The following POFUT3 variants were observed in gnomAD, a reference collection of about 807,000 sequenced individuals.
POFUT3 encodes the protein protein O-fucosyltransferase 3, also known as GDP-fucose protein O-fucosyltransferase 3.
chr8:33,359,982 G>T, the POFUT3 span, among the ~76,000 whole-genome samples: 174 of 151,962 alleles, frequency 1.1e-3, 5 homozygotes, highest in South Asian at 0.021. Context: ...CTCCAGCCTG[G>T]GCAAAAGAGC....
the POFUT3 span, among the ~76,000 whole-genome samples, chr8:33,334,643 G>A: frequency 6.6e-6 from 1 of 152,178 alleles, no homozygotes; most frequent in Non-Finnish European, 1.5e-5. Flanking sequence ...GAATAGCAAG[G>A]TAATATACAG....
chr8:33,373,005 A>G, the POFUT3 span, among the ~76,000 whole-genome samples: 1 of 152,174 alleles, frequency 6.6e-6, no homozygotes, highest in Non-Finnish European at 1.5e-5. Context: ...AGGAGTGGAA[A>G]CTAAACCACA....
At chr8:33,382,172 G>T in the POFUT3 span, among the ~76,000 whole-genome samples, 2 of 152,028 alleles carry the variant, frequency 1.3e-5, no homozygotes, top group Admixed American at 1.3e-4. Flanking sequence ...TGCGCCTACA[G>T]TCCCAGCTAC....
chr8:33,372,774 C>T, the POFUT3 span: 69 of 1,613,994 alleles, frequency 4.3e-5, no homozygotes, highest in Non-Finnish European at 5.3e-5. Flanking sequence ...AGGTGGGTAT[C>T]TTCTGCCTCC....
the POFUT3 span, chr8:33,370,712 G>A: frequency 3.9e-5 from 6 of 152,170 alleles, no homozygotes; most frequent in African/African-American, 1.4e-4. Context: ...CTGGGTATTT[G>A]CTGAAGGCAT....
At chr8:33,386,224 T>C in the POFUT3 span, among the ~76,000 whole-genome samples, 1 of 141,508 alleles carries the variant, frequency 7.1e-6, no homozygotes, top group Non-Finnish European at 1.5e-5. Flanking sequence ...AGTGGTCTAA[T>C]ACCTTTTCAT....
the POFUT3 span, among the ~76,000 whole-genome samples, chr8:33,446,189 G>T: frequency 2.0e-5 from 3 of 152,144 alleles, no homozygotes; most frequent in Admixed American, 2.0e-4. Context: ...AGGTGCGGTA[G>T]CTCATGCCTG....
the POFUT3 span, chr8:33,389,038 G>A: frequency 1.2e-6 from 2 of 1,614,112 alleles, no homozygotes; most frequent in Non-Finnish European, 1.7e-6. Flanking sequence ...AATTGTCCTG[G>A]TTGACGTCTT....
At chr8:33,450,627 G>A in the POFUT3 span, among the ~76,000 whole-genome samples, 3 of 152,144 alleles carry the variant, frequency 2.0e-5, no homozygotes, top group Non-Finnish European at 2.9e-5. Flanking sequence ...AGGTAGGTTG[G>A]AGTCAGATTA....
At chr8:33,320,102 A>G in the POFUT3 span, among the ~76,000 whole-genome samples, 5 of 151,894 alleles carry the variant, frequency 3.3e-5, no homozygotes, top group Non-Finnish European at 5.9e-5. Flanking sequence ...AGACTATGCC[A>G]TGTGTATGTC....
At chr8:33,458,177 A>G in the POFUT3 span, among the ~76,000 whole-genome samples, 1 of 152,174 alleles carries the variant, frequency 6.6e-6, no homozygotes, top group Admixed American at 6.6e-5. Context: ...GGGAGAAAAC[A>G]GCCATCTATA....
chr8:33,320,284 G>T, the POFUT3 span, among the ~76,000 whole-genome samples: 3 of 151,918 alleles, frequency 2.0e-5, no homozygotes, highest in African/African-American at 7.2e-5. Context: ...CATTGAAGTA[G>T]AACAAAATAA....
At chr8:33,383,087 T>C in the POFUT3 span, among the ~76,000 whole-genome samples, 2 of 152,076 alleles carry the variant, frequency 1.3e-5, no homozygotes, top group African/African-American at 4.8e-5. Flanking sequence ...TGATTCCGAG[T>C]GCAGTATGTG....
chr8:33,352,949 G>A, the POFUT3 span, among the ~76,000 whole-genome samples: 1 of 152,178 alleles, frequency 6.6e-6, no homozygotes, highest in African/African-American at 2.4e-5. Context: ...GGACATATGG[G>A]ACACATGTAA....
the POFUT3 span, among the ~76,000 whole-genome samples, chr8:33,380,077 A>AAT: frequency 4.6e-4 from 19 of 40,894 alleles, 1 homozygote; most frequent in African/African-American, 3.4e-3. Flanking sequence ...ATATATATAC[A>AAT]CTATATATAC....
the POFUT3 span, among the ~76,000 whole-genome samples, chr8:33,344,730 G>A: frequency 1.7e-3 from 253 of 152,302 alleles, 4 homozygotes; most frequent in African/African-American, 5.9e-3. Context: ...CAGAGTAGAC[G>A]TTCCAGCTAA....
the POFUT3 span, among the ~76,000 whole-genome samples, chr8:33,314,463 G>A: frequency 6.6e-6 from 1 of 152,192 alleles, no homozygotes; most frequent in South Asian, 2.1e-4. Context: ...GTTATTAGCT[G>A]TGAAATCATG....
At chr8:33,453,680 T>C in the POFUT3 span, among the ~76,000 whole-genome samples, 89,603 of 152,046 alleles carry the variant, frequency 0.59, 26,685 homozygotes, top group African/African-American at 0.63. Context: ...CACTGGCTTA[T>C]ACTTGTAATC....
the POFUT3 span, among the ~76,000 whole-genome samples, chr8:33,330,652 C>T: frequency 6.6e-6 from 1 of 152,152 alleles, no homozygotes; most frequent in Non-Finnish European, 1.5e-5. Context: ...AGTGACTTAA[C>T]ATCTCTGTAT....
Sources: gnomAD v4.1 joint callset for allele counts (sites outside exome capture counted in the v4.1 genomes callset) on GRCh38, gnomAD v4.1.1 for gene constraint, MANE v1.5 for transcripts, NCBI Gene and HGNC (gene_info 2026-07-23, HGNC 2026-07-21) for gene names.